Variants in TULP4 observed in about 807,000 individuals in gnomAD.
TULP4 encodes tubby-related protein 4.
A neutral mutation model predicts 129.0 loss-of-function variants in TULP4; 16 were observed. The observed-to-expected ratio is 0.12, with a 90% confidence interval of 0.08 to 0.19. TULP4 has a LOEUF of 0.19. Ranked by LOEUF, TULP4 falls within the 10% of genes least tolerant of loss-of-function variation. The probability of loss-of-function intolerance (pLI) is 1.00; values close to 1 mark genes in which losing one functional copy is unlikely to be tolerated. For missense variants in TULP4, 1,842 were observed against 2,059.1 expected (o/e 0.89, Z 2.04); for synonymous variants, 998 against 854.0 (o/e 1.17, Z -2.94).
upstream of TULP4, chr6:158,232,216 G>C (rs1488710037): frequency 6.7e-6 from 1 of 148,834 alleles, no homozygotes; most frequent in African/African-American, 2.4e-5. Context: ...CGAGACGCGG[G>C]GGGAGGCGGC....
intron 8 of TULP4, among the ~76,000 whole-genome samples, chr6:158,487,059 C>G (rs1321390008): frequency 6.6e-6 from 1 of 152,124 alleles, no homozygotes; most frequent in Admixed American, 6.5e-5. Flanking sequence ...TGCAGCCTGG[C>G]CAACATGGTC....
chr6:158,420,361 C>T (rs375062243), intron 2 of TULP4, among the ~76,000 whole-genome samples: 1 of 152,154 alleles, frequency 6.6e-6, no homozygotes, highest in Non-Finnish European at 1.5e-5. Flanking sequence ...CCCTGTTCTA[C>T]GACTTAAATA....
chr6:158,424,169 T>C (rs3908726), intron 2 of TULP4, among the ~76,000 whole-genome samples: 36,656 of 152,122 alleles, frequency 0.24, 5,678 homozygotes, highest in Non-Finnish European at 0.35. Context: ...TCCAGGACTT[T>C]CCACAGATAC....
intron 1 of TULP4, among the ~76,000 whole-genome samples, chr6:158,254,816 T>A (rs9348207): frequency 0.33 from 50,036 of 152,164 alleles, 9,221 homozygotes; most frequent in Admixed American, 0.45. Context: ...TCACGCTTGT[T>A]ATCCCAGCAC....
intron 1 of TULP4, among the ~76,000 whole-genome samples, chr6:158,348,889 G>A (rs182873018): frequency 0.011 from 1,303 of 117,512 alleles, 16 homozygotes; most frequent in African/African-American, 0.041. Flanking sequence ...GGGCAGAGGC[G>A]CTCCTCACCT....
At chr6:158,275,975 C>T (rs1583696798) in intron 1 of TULP4, among the ~76,000 whole-genome samples, 1 of 151,972 alleles carries the variant, frequency 6.6e-6, no homozygotes, top group African/African-American at 2.4e-5. Context: ...GAGACTTTTT[C>T]TTCTTTTTTT....
chr6:158,248,762 GTAAGTAAA>G (rs1265204701), intron 1 of TULP4, among the ~76,000 whole-genome samples: 1 of 151,878 alleles, frequency 6.6e-6, no homozygotes, highest in African/African-American at 2.4e-5. Context: ...AAATAAGTAA[GTAAGTAAA>G]TAAATAAATA....
chr6:158,350,340 G>C (rs969292763), intron 1 of TULP4, among the ~76,000 whole-genome samples: 2 of 151,556 alleles, frequency 1.3e-5, no homozygotes, highest in African/African-American at 4.9e-5. Context: ...GCGGGCAGAG[G>C]CTGTAATCTT....
At chr6:158,293,907 G>T (rs1198193412) in intron 1 of TULP4, among the ~76,000 whole-genome samples, 1 of 152,172 alleles carries the variant, frequency 6.6e-6, no homozygotes, top group East Asian at 1.9e-4. Flanking sequence ...ATAACGAGTG[G>T]CTACTGAGAG....
chr6:158,406,652 A>G (rs1777983485), intron 1 of TULP4, among the ~76,000 whole-genome samples: 1 of 152,198 alleles, frequency 6.6e-6, no homozygotes, highest in Admixed American at 6.5e-5. Context: ...GCTCTTCAGC[A>G]TTGTTTTATC....
intron 1 of TULP4, among the ~76,000 whole-genome samples, chr6:158,263,039 G>A (rs1044510618): frequency 1.8e-5 from 2 of 109,034 alleles, no homozygotes; most frequent in East Asian, 6.5e-4. Context: ...GTGTCCCTGT[G>A]TCTGTGTATG....
At chr6:158,336,216 A>G (rs895436893) in intron 1 of TULP4, among the ~76,000 whole-genome samples, 6 of 152,210 alleles carry the variant, frequency 3.9e-5, no homozygotes, top group African/African-American at 1.4e-4. Context: ...CAAACATTTA[A>G]GGGCCATTTT....
intron 6 of TULP4, among the ~76,000 whole-genome samples, chr6:158,474,564 C>A (rs1779772167): frequency 6.6e-6 from 1 of 152,192 alleles, no homozygotes; most frequent in East Asian, 1.9e-4. Flanking sequence ...TCCCTGCTCC[C>A]TCTCTTCAAA....
At chr6:158,481,318 C>G (rs750594278) in intron 8 of TULP4, 29 bp downstream of exon 8, 16 of 1,591,310 alleles carry the variant, frequency 1.0e-5, no homozygotes, top group Non-Finnish European at 1.3e-5. Context: ...GGACTGGGAC[C>G]TTGTTCTCCT....
chr6:158,502,293 T>C lies in TULP4; in HGVS notation c.2630T>C (p.Val877Ala), dbSNP rs368831811. ...GACTTCTCCCTCTACCCCACGTCAG[T>C]GCACTACCAGACCCCCCTGGGCTAT... ...KGDFSLYPTS[V>A]HYQTPLGYER... is the part of the protein sequence containing the mutation. The change falls in exon 13 of 14, where the codon GTG becomes GCG. Residue 877 changes from valine (V) to alanine (A), a missense_variant. Val to Ala is a moderately conservative substitution (Grantham distance 64). Transcript: ENST00000367097. 15 of 1,610,468 alleles carry C rather than the reference T, an allele frequency of 9.3e-6. No individual in the cohort carries two copies. The South Asian group carries it at 1.5e-4, about 17-fold the overall frequency.
chr6:158,236,469 T>A (rs1270943201), intron 1 of TULP4, among the ~76,000 whole-genome samples: 1 of 152,206 alleles, frequency 6.6e-6, no homozygotes, highest in African/African-American at 2.4e-5. Context: ...TATCATGGAA[T>A]TCTTTTTTTT....
intron 1 of TULP4, among the ~76,000 whole-genome samples, chr6:158,240,257 G>C (rs1386172677): frequency 1.3e-4 from 10 of 74,440 alleles, no homozygotes; most frequent in Non-Finnish European, 2.0e-4. Context: ...GCGGCTGGCC[G>C]GGCAGAGGGG....
intron 6 of TULP4, among the ~76,000 whole-genome samples, chr6:158,467,697 A>T (rs1779584233): frequency 6.6e-6 from 1 of 152,200 alleles, no homozygotes. Flanking sequence ...ATTGTGCCTT[A>T]AAAAGATCAC....
At chr6:158,382,247 G>T (rs1260567412) in intron 1 of TULP4, among the ~76,000 whole-genome samples, 1 of 152,148 alleles carries the variant, frequency 6.6e-6, no homozygotes, top group Non-Finnish European at 1.5e-5. Context: ...ATCTGTGTCT[G>T]TATCTGTCTA....
Sources: allele counts gnomAD v4.1 joint callset (sites outside exome capture counted in the v4.1 genomes callset), GRCh38; gene constraint gnomAD v4.1.1; transcripts MANE v1.5; gene names NCBI Gene and HGNC (gene_info 2026-07-23, HGNC 2026-07-21).